The following TICRR variants were observed in gnomAD, a reference collection of about 807,000 sequenced individuals.
TICRR encodes TOPBP1 interacting checkpoint and replication regulator, also known as treslin.
A neutral mutation model predicts 178.1 loss-of-function variants in TICRR; 132 were observed. That is an observed-to-expected ratio of 0.74 (90% CI 0.64 to 0.86). TICRR has a LOEUF of 0.86. TICRR is among the 40% of genes least tolerant of loss of function. The probability of loss-of-function intolerance (pLI) is 0.00; values close to 1 mark genes in which losing one functional copy is unlikely to be tolerated. For synonymous variants in TICRR, 991 were observed against 900.7 expected, an observed-to-expected ratio of 1.10 and a Z score of -1.79; for missense variants, 2,587 against 2,334.3, an observed-to-expected ratio of 1.11 and a Z score of -2.23.
chr15:89,623,799 C>G lies in TICRR; in HGVS notation c.3489C>G (p.Pro1163=), dbSNP rs372423397. 5.0e-6 allele frequency: 8 copies of G among 1,613,840 alleles called. No homozygotes were observed. The highest frequency in any genetic ancestry group is 6.8e-6 in the Non-Finnish European group (8 of 1,180,006). The part of the protein sequence containing the change: ...FKESLKDSSS[P]GHDSPLDSKI... ...AGTCCTTAAAAGACTCCTCCTCACC[C>G]GGCCATGACTCACCATTGGATTCAA... Residue 1163 remains proline (P), a synonymous_variant, in exon 20 of 22, where the codon CCC becomes CCG. Transcript: ENST00000268138.
Position 89,618,163 on chromosome 15 carries a change from C to G in TICRR, c.2972C>G (p.Pro991Arg). The G allele has an allele frequency of 6.2e-7, 1 of 1,614,136 alleles. No homozygotes were observed. Among genetic ancestry groups the G allele is most frequent in the Non-Finnish European group, 8.5e-7 (1 of 1,180,002 alleles). ...TGTGGTTCCTCGAGGTCCTCTGATC[C>G]TGGTCCTGATATTGGTGTTGTTGAA... is the stretch of plus-strand genomic sequence containing the variant. Reference protein sequence around the residue: ...HRQIKGRSSDPGPDIGVVEES... With the variant: ...HRQIKGRSSDRGPDIGVVEES... Residue 991 changes from proline to arginine, a missense_variant, in exon 17 of 22, where the codon CCT becomes CGT. By Grantham distance (103) the Pro-to-Arg change is moderately radical. Transcript: ENST00000268138.
At chr15:89,618,103 G>A (rs1963364428) in intron 16 of TICRR, 49 bp from the exon 17 acceptor site, 1 of 1,571,962 alleles carries the variant, frequency 6.4e-7, no homozygotes, top group Non-Finnish European at 8.8e-7. Flanking sequence ...CTTAATAAGT[G>A]TTAATTACAA....
chr15:89,587,037 C>G lies in TICRR; in HGVS notation c.1411+1095C>G, dbSNP rs571913000. On this transcript the variant is annotated intron_variant, in intron 4 of 21. Coordinates refer to ENST00000268138, the MANE Select transcript of TICRR (RefSeq NM_152259.4). ...GTCAGACATATTACAATAATCCAGG[C>G]AAGAGATGGTGGGAAATGTAGGGAG... is the stretch of plus-strand genomic sequence containing the variant. 6.4e-4 allele frequency among the ~76,000 whole-genome samples: 98 copies of G among 152,246 alleles called. 1 individual carries two copies. The highest frequency in any genetic ancestry group is 2.2e-3 in the African/African-American group (93 of 41,538).
chr15:89,576,821 GTATATATATATATATATATATA>G (rs369518649), intron 1 of TICRR, among the ~76,000 whole-genome samples: 3 of 92,444 alleles, frequency 3.2e-5, no homozygotes, highest in African/African-American at 1.2e-4. Context: ...ATGTGTGTGT[GTATATATATATATATATATATA>G]TATATATATA....
intron 15 of TICRR, among the ~76,000 whole-genome samples, chr15:89,610,001 T>C (rs77147854): frequency 0.031 from 4,795 of 152,296 alleles, 260 homozygotes; most frequent in African/African-American, 0.11. Flanking sequence ...CTTTGATCCA[T>C]TGGTTATTTC....
chr15:89,592,497 C>G (rs553578431), intron 5 of TICRR, among the ~76,000 whole-genome samples: 14 of 152,102 alleles, frequency 9.2e-5, no homozygotes, highest in Middle Eastern at 3.4e-3. Context: ...AAACAGCAAA[C>G]TTGAATAATG....
At chr15:89,576,352 A>G in intron 1 of TICRR, 112 bp downstream of exon 1, 2 of 1,004,464 alleles carry the variant, frequency 2.0e-6, no homozygotes, top group Admixed American at 3.2e-5. Flanking sequence ...TAATATGACT[A>G]TGCGTCCCTT....
At chr15:89,600,446 T>C (rs1963074481) in intron 8 of TICRR, 139 bp from the exon 9 acceptor site, 1 of 460,298 alleles carries the variant, frequency 2.2e-6, no homozygotes, top group African/African-American at 2.0e-5. Flanking sequence ...AAAAGAAGAA[T>C]ATTCACGTCA....
chr15:89,623,966 G>T lies in TICRR; in HGVS notation c.3656G>T (p.Ser1219Ile), dbSNP rs201868174. ...NCTWPHSVNS[S>I]PESPSCPAPP... Reference sequence around the variant, plus strand: ...ACTTGGCCACATTCAGTGAATTCCAGTCCAGAAAGCCCCTCCTGTCCAGCC... The same window carrying T: ...ACTTGGCCACATTCAGTGAATTCCATTCCAGAAAGCCCCTCCTGTCCAGCC... Residue 1219 changes from serine to isoleucine, a missense_variant, in exon 20 of 22, where the codon AGT (serine) becomes ATT (isoleucine). Coordinates refer to ENST00000268138, the MANE Select transcript of TICRR (RefSeq NM_152259.4). 63 of 1,613,980 alleles carry T rather than the reference G, an allele frequency of 3.9e-5. No individual in the cohort carries two copies. Among genetic ancestry groups the T allele is most frequent in the Non-Finnish European group, 4.3e-5 (51 of 1,180,014 alleles).
At chr15:89,595,285 A>G (rs939599113) in intron 6 of TICRR, 108 bp from the exon 7 acceptor site, 2 of 762,562 alleles carry the variant, frequency 2.6e-6, no homozygotes. Flanking sequence ...TTCTGGAGGG[A>G]TATGCTTCAT....
In TICRR at chr15:89,594,459, C is replaced by G. The variant is rs1962963112; in HGVS notation, c.1586C>G (p.Thr529Ser). ...ASANKEESSK[T>S]EGELIHCLAE... Reference sequence around the variant, plus strand: ...GCTAATAAGGAAGAGTCTTCCAAAACTGAAGGCGAATTAATACATTGCCTT... The same window carrying G: ...GCTAATAAGGAAGAGTCTTCCAAAAGTGAAGGCGAATTAATACATTGCCTT... Residue 529 changes from threonine (T) to serine (S), a missense_variant, in exon 6 of 22, where the codon ACT becomes AGT. Thr to Ser is a moderately conservative substitution (Grantham distance 58). Transcript: ENST00000268138. The G allele has an allele frequency of 6.2e-7, 1 of 1,613,188 alleles. No individual in the cohort carries two copies. Among genetic ancestry groups the G allele is most frequent in the Admixed American group, 1.7e-5 (1 of 59,854 alleles).
chr15:89,608,209 G>A (rs975302931), intron 14 of TICRR, among the ~76,000 whole-genome samples: 2 of 152,076 alleles, frequency 1.3e-5, no homozygotes, highest in African/African-American at 2.4e-5. Flanking sequence ...AATTGAATTC[G>A]TAATGGAATA....
intron 1 of TICRR, among the ~76,000 whole-genome samples, chr15:89,578,045 A>G (rs550353449): frequency 1.3e-5 from 2 of 152,338 alleles, no homozygotes; most frequent in South Asian, 4.1e-4. Context: ...TTTCAGAAAC[A>G]AAAAGGCAAG....
At chr15:89,610,433 A>G (rs1243059567) in intron 15 of TICRR, among the ~76,000 whole-genome samples, 1 of 152,204 alleles carries the variant, frequency 6.6e-6, no homozygotes, top group Non-Finnish European at 1.5e-5. Flanking sequence ...TTCTTGATCA[A>G]TTAAACTTCT....
At chr15:89,615,681 C>T (rs1963324284) in intron 15 of TICRR, among the ~76,000 whole-genome samples, 2 of 152,176 alleles carry the variant, frequency 1.3e-5, no homozygotes, top group African/African-American at 2.4e-5. Flanking sequence ...TCAGTCCTCT[C>T]ATAAGTAGCT....
chr15:89,610,245 A>G (rs949294645), intron 15 of TICRR, among the ~76,000 whole-genome samples: 23 of 152,152 alleles, frequency 1.5e-4, no homozygotes, highest in African/African-American at 5.1e-4. Flanking sequence ...GTATTATTCA[A>G]GTCTTCTGTT....
In TICRR at chr15:89,627,124, G is replaced by T. The variant is rs1156758969; in HGVS notation, c.*38G>T. On this transcript the variant is annotated 3_prime_UTR_variant, in exon 22 of 22. Coordinates refer to ENST00000268138, the MANE Select transcript of TICRR (RefSeq NM_152259.4). ...CTGAGCCCAAAAGATCAAGGAGTCAGCCAGGACCCTGTGGACATAAAGAAG... is the reference window on the plus strand; with the variant it reads ...CTGAGCCCAAAAGATCAAGGAGTCATCCAGGACCCTGTGGACATAAAGAAG... 1.9e-6 allele frequency: 3 copies of T among 1,611,732 alleles called. No homozygotes were observed. The highest frequency in any genetic ancestry group is 1.1e-5 in the South Asian group (1 of 90,972).
intron 17 of TICRR, 34 bp downstream of exon 17, chr15:89,618,244 C>A (rs377670066): frequency 5.0e-6 from 8 of 1,592,284 alleles, no homozygotes; most frequent in Non-Finnish European, 6.0e-6. Context: ...TTAATGCAAT[C>A]TACCCAGCTT....
intron 16 of TICRR, among the ~76,000 whole-genome samples, chr15:89,617,633 C>T (rs1282698635): frequency 6.7e-6 from 1 of 148,266 alleles, no homozygotes; most frequent in Non-Finnish European, 1.5e-5. Flanking sequence ...AGTGATTCTC[C>T]TACCTCAGCC....
Sources: gnomAD v4.1 joint callset for allele counts (sites outside exome capture counted in the v4.1 genomes callset) on GRCh38, gnomAD v4.1.1 for gene constraint, MANE v1.5 for transcripts, NCBI Gene and HGNC (gene_info 2026-07-23, HGNC 2026-07-21) for gene names.